DCP1B: variants seen among roughly 807,000 people sequenced by gnomAD.
DCP1B encodes decapping mRNA 1B, also known as mRNA-decapping enzyme 1B.
In DCP1B, 47 loss-of-function variants were observed where a neutral mutation model predicts 60.5. That is an observed-to-expected ratio of 0.78 (90% CI 0.61 to 0.99). The LOEUF (loss-of-function observed/expected upper bound fraction) is 0.99, where lower values mean the gene tolerates loss of function less well. Among genes scored for constraint, DCP1B ranks in the 50% least tolerant of loss-of-function variants. The pLI is 0.00. For missense variants in DCP1B, 725 were observed against 756.8 expected (o/e 0.96, Z 0.49); for synonymous variants, 267 against 280.3 (o/e 0.95, Z 0.47).
At chr12:2,000,387 T>C (rs190526308) in intron 1 of DCP1B, among the ~76,000 whole-genome samples, 1 of 152,244 alleles carries the variant, frequency 6.6e-6, no homozygotes, top group Admixed American at 6.5e-5. Context: ...AGGATATCTA[T>C]ATATATCAGC....
At chr12:1,977,879 C>A (rs763385) in intron 3 of DCP1B, among the ~76,000 whole-genome samples, 108,202 of 152,076 alleles carry the variant, frequency 0.71, 38,769 homozygotes, top group African/African-American at 0.81. Flanking sequence ...CTTTGGAAGA[C>A]AATCAAGTTT....
At chr12:1,995,274 T>C (rs957073640) in intron 2 of DCP1B, among the ~76,000 whole-genome samples, 1 of 152,224 alleles carries the variant, frequency 6.6e-6, no homozygotes, top group African/African-American at 2.4e-5. Context: ...CTAATACATC[T>C]TTTCTGTCAC....
intron 3 of DCP1B, among the ~76,000 whole-genome samples, chr12:1,980,084 C>T (rs1359389448): frequency 6.6e-6 from 1 of 152,180 alleles, no homozygotes; most frequent in African/African-American, 2.4e-5. Context: ...CAAACCCATA[C>T]ACTATGTCCC....
chr12:1,970,978 G>T, intron 3 of DCP1B: 1 of 899,312 alleles, frequency 1.1e-6, no homozygotes, highest in East Asian at 6.9e-5. Context: ...TAGCTTCTGG[G>T]TTTTAAAAAA....
intron 7 of DCP1B, among the ~76,000 whole-genome samples, chr12:1,952,212 C>A (rs932899796): frequency 6.6e-6 from 1 of 152,102 alleles, no homozygotes; most frequent in Non-Finnish European, 1.5e-5. Flanking sequence ...CTCGCTCTGT[C>A]ACCCAGGCTG....
chr12:1,946,152 C>G lies in DCP1B; in HGVS notation c.*54G>C, dbSNP rs1452695810. ...GAAACAACACTCAACATGAAAGAAC[C>G]TTGTGCCGGAGTTCTAGAAGGACCT... On this transcript the variant is annotated 3_prime_UTR_variant, in exon 9 of 9. Coordinates refer to ENST00000280665, the MANE Select transcript of DCP1B (RefSeq NM_152640.5). The G allele has an allele frequency of 5.2e-6, 7 of 1,348,204 alleles. No individual in the cohort carries two copies. The African/African-American group carries it at 1.0e-4, about 20-fold the overall frequency. 83.5% of individuals were successfully genotyped at this position (1,348,204 alleles called of 1,614,324 possible).
chr12:1,998,195 A>G (rs2041387714), intron 1 of DCP1B, among the ~76,000 whole-genome samples: 1 of 152,234 alleles, frequency 6.6e-6, no homozygotes, highest in Non-Finnish European at 1.5e-5. Context: ...TGTCATTTAT[A>G]AAACAAATCA....
intron 3 of DCP1B, among the ~76,000 whole-genome samples, chr12:1,981,041 T>G (rs1438364215): frequency 3.3e-5 from 5 of 152,220 alleles, no homozygotes; most frequent in Non-Finnish European, 7.3e-5. Flanking sequence ...TAGATAAAAC[T>G]AACATTTTCC....
In DCP1B at chr12:1,953,083, A is replaced by G. The variant is rs1381462204; in HGVS notation, c.857T>C (p.Ile286Thr). The G allele has an allele frequency of 6.2e-7, 1 of 1,613,862 alleles. No homozygotes were observed. The highest frequency in any genetic ancestry group is 1.3e-5 in the African/African-American group (1 of 74,854). Residue 286 changes from isoleucine to threonine, a missense_variant, in exon 7 of 9, where the codon ATT becomes ACT. Ile to Thr is a moderately conservative substitution (Grantham distance 89). Transcript: ENST00000280665. ...YEEPRRHSPP[I>T]EKQLCPAIQK... is the part of the protein sequence containing the mutation. ...AATGGCTGGACAGAGCTGCTTCTCA[A>G]TGGGGGGTGAGTGTCTTCTGGGTTC... is the stretch of plus-strand genomic sequence containing the variant.
intron 7 of DCP1B, chr12:1,950,067 G>A (rs2030605414): frequency 2.1e-6 from 1 of 479,348 alleles, no homozygotes; most frequent in Admixed American, 3.3e-5. Flanking sequence ...GCTATCATTT[G>A]CTTCTAACTC....
At chr12:1,959,698 G>A (rs1385019294) in intron 5 of DCP1B, among the ~76,000 whole-genome samples, 2 of 152,166 alleles carry the variant, frequency 1.3e-5, no homozygotes, top group African/African-American at 2.4e-5. Context: ...AGTGGCTCAC[G>A]CCTGTAATCC....
At chr12:1,959,744 G>T (rs1326024195) in intron 5 of DCP1B, among the ~76,000 whole-genome samples, 1 of 152,176 alleles carries the variant, frequency 6.6e-6, no homozygotes, top group African/African-American at 2.4e-5. Context: ...CGGATCACGA[G>T]GTCAGCAGAT....
chr12:1,973,445 G>A (rs961238917), intron 3 of DCP1B, among the ~76,000 whole-genome samples: 5 of 151,984 alleles, frequency 3.3e-5, no homozygotes, highest in Admixed American at 3.3e-4. Flanking sequence ...ATACTAATTT[G>A]GATTAAATTA....
Position 1,952,573 on chromosome 12 carries a change from A to T in DCP1B, c.1367T>A (p.Leu456His). The change falls in exon 7 of 9, where the codon CTT (leucine) becomes CAT (histidine). Residue 456 changes from leucine to histidine, a missense_variant. Transcript: ENST00000280665. Reference sequence around the variant, plus strand: ...CTGCTGCTCCTGCTGTACAATCTGAAGCTTCTTCAGTAACTCTTGAGGGGA... The same window carrying T: ...CTGCTGCTCCTGCTGTACAATCTGATGCTTCTTCAGTAACTCTTGAGGGGA... ...VISPQELLKKLQIVQQEQQLH... is the reference protein window; with the variant it reads ...VISPQELLKKHQIVQQEQQLH... 2 of 1,614,110 alleles carry T rather than the reference A, an allele frequency of 1.2e-6. No individual in the cohort carries two copies. The highest frequency in any genetic ancestry group is 3.3e-5 in the Admixed American group (2 of 60,024).
chr12:1,970,246 A>C (rs1469982913), intron 3 of DCP1B, among the ~76,000 whole-genome samples: 1 of 152,194 alleles, frequency 6.6e-6, no homozygotes, highest in Non-Finnish European at 1.5e-5. Flanking sequence ...AAAATGAAGG[A>C]AAGATTGAGT....
chr12:1,964,355 T>G (rs938290956), intron 5 of DCP1B, among the ~76,000 whole-genome samples: 40 of 152,266 alleles, frequency 2.6e-4, no homozygotes, highest in African/African-American at 9.1e-4. Context: ...TTCCTGTCAT[T>G]CTGGTGTCAA....
intron 5 of DCP1B, among the ~76,000 whole-genome samples, chr12:1,956,731 AC>A (rs2030899317): frequency 6.6e-6 from 1 of 152,248 alleles, no homozygotes; most frequent in African/African-American, 2.4e-5. Context: ...GTCATGGATA[AC>A]CAAGACAAGA....
chr12:1,942,460 C>G (rs1319630559), downstream of DCP1B, among the ~76,000 whole-genome samples: 1 of 152,226 alleles, frequency 6.6e-6, no homozygotes, highest in Non-Finnish European at 1.5e-5. Flanking sequence ...ATCTACAGAA[C>G]TCTTCTCTCC....
chr12:1,954,993 A>C (rs2030828323), intron 6 of DCP1B, among the ~76,000 whole-genome samples: 2 of 152,088 alleles, frequency 1.3e-5, no homozygotes, highest in African/African-American at 4.8e-5. Flanking sequence ...CCTCCAGAGC[A>C]GCTAGCACTA....
Sources: gnomAD v4.1 joint callset for allele counts (sites outside exome capture counted in the v4.1 genomes callset) on GRCh38, gnomAD v4.1.1 for gene constraint, MANE v1.5 for transcripts, NCBI Gene and HGNC (gene_info 2026-07-23, HGNC 2026-07-21) for gene names.